USP25: variants seen among roughly 807,000 people sequenced by gnomAD.
The protein encoded by USP25 is ubiquitin carboxyl-terminal hydrolase 25.
A neutral mutation model predicts 158.5 loss-of-function variants in USP25; 85 were observed. The observed-to-expected ratio is 0.54, with a 90% CI of 0.45 to 0.64. USP25 has a LOEUF of 0.64. Among genes scored for constraint, USP25 ranks in the 30% least tolerant of loss-of-function variants. The pLI is 0.00. For missense variants in USP25, 1,242 were observed against 1,327.3 expected, an observed-to-expected ratio of 0.94 and a Z score of 1.00; for synonymous variants, 464 against 460.4, an observed-to-expected ratio of 1.01 and a Z score of -0.10.
At chr21:15,736,041 AT>A (rs200940205) in intron 1 of USP25, among the ~76,000 whole-genome samples, 1 of 146,750 alleles carries the variant, frequency 6.8e-6, no homozygotes, top group Non-Finnish European at 1.5e-5. Flanking sequence ...TAGACATGCC[AT>A]TTTTTTTATC....
At chr21:15,862,607 G>A (rs1400142718) in intron 20 of USP25, among the ~76,000 whole-genome samples, 1 of 143,394 alleles carries the variant, frequency 7.0e-6, no homozygotes, top group Non-Finnish European at 1.5e-5. Flanking sequence ...ATAATAGGAA[G>A]ATTTTTAAAG....
chr21:15,842,256 C>T (rs377742517), intron 17 of USP25, 142 bp from the exon 18 acceptor site: 107 of 793,324 alleles, frequency 1.3e-4, no homozygotes, highest in Non-Finnish European at 1.8e-4. Context: ...AAGTGCTATA[C>T]GTGGAAAGAT....
chr21:15,768,996 A>C (rs2034196304), intron 3 of USP25, among the ~76,000 whole-genome samples: 2 of 152,194 alleles, frequency 1.3e-5, no homozygotes, highest in South Asian at 4.1e-4. Context: ...TATTAGCTGG[A>C]ATATCACTGT....
Position 15,877,580 on chromosome 21 carries a change from C to T in USP25, c.3010-216C>T, listed in dbSNP as rs752219447. On this transcript the variant is annotated intron_variant, in intron 24 of 25. Transcript: ENST00000400183. The stretch of plus-strand genomic sequence containing the variant: ...AAAAACACAATAATGTTTTCTCCAC[C>T]GCTGTTGCTTTTGTTTCTGTTGTTG... The T allele has an allele frequency of 3.3e-5, 13 of 398,728 alleles. 1 individual carries two copies. The highest frequency in any genetic ancestry group is 2.7e-4 in the South Asian group (6 of 22,528). The allele number at this position is 398,728 out of a possible 1,614,324, so 24.7% of individuals were successfully genotyped here. A position where few individuals can be genotyped will look rare whatever the true frequency, so the allele number is the denominator to read the frequency against.
Position 15,826,319 on chromosome 21 carries a change from G to T in USP25, c.1420G>T (p.Ala474Ser), listed in dbSNP as rs1308564799. The change falls in exon 13 of 26, where the codon GCT becomes TCT. Residue 474 changes from alanine (A) to serine (S), a missense_variant. Transcript: ENST00000400183. This position sits in a 1 kb window ranked among gnomAD's most constrained non-coding sequence, Gnocchi z 4.8. The part of the protein sequence containing the change: ...VCTSPVDDID[A>S]SSPPSGSIPS... ...CACTTCTCCTGTTGACGATATTGAC[G>T]CTAGTTCCCCACCTAGTGGTTCCAT... is the stretch of plus-strand genomic sequence containing the variant. 4.3e-6 allele frequency: 7 copies of T among 1,613,884 alleles called. No homozygotes were observed. The highest frequency in any genetic ancestry group is 5.9e-6 in the Non-Finnish European group (7 of 1,179,944).
At chr21:15,786,245 T>TC (rs1351575774) in intron 4 of USP25, among the ~76,000 whole-genome samples, 1 of 152,116 alleles carries the variant, frequency 6.6e-6, no homozygotes, top group Non-Finnish European at 1.5e-5. Flanking sequence ...CTCAAACTAT[T>TC]CCAGAAAATT....
chr21:15,736,653 T>G (rs1375135218), intron 1 of USP25, among the ~76,000 whole-genome samples: 1 of 151,710 alleles, frequency 6.6e-6, no homozygotes, highest in Admixed American at 6.6e-5. Context: ...TATAAAACAT[T>G]AATAGCTTTT....
At chr21:15,812,740 AGGT>A (rs1476616502) in intron 9 of USP25, among the ~76,000 whole-genome samples, 1 of 152,204 alleles carries the variant, frequency 6.6e-6, no homozygotes, top group African/African-American at 2.4e-5. Context: ...TGTTATATAA[AGGT>A]GGCCTTAATA....
At chr21:15,808,629 T>G (rs774319270) in intron 7 of USP25, among the ~76,000 whole-genome samples, 180 bp from the exon 8 acceptor site, 2 of 152,118 alleles carry the variant, frequency 1.3e-5, no homozygotes, top group Admixed American at 6.6e-5. Flanking sequence ...TTTTCAAATA[T>G]CTTATATCCT....
chr21:15,765,680 C>A (rs529710733), intron 2 of USP25, among the ~76,000 whole-genome samples: 2 of 152,054 alleles, frequency 1.3e-5, no homozygotes, highest in African/African-American at 4.8e-5. Context: ...TTCCAGAAGA[C>A]CTTTTTTAGT....
At chr21:15,750,051 C>T (rs922483538) in intron 1 of USP25, among the ~76,000 whole-genome samples, 1 of 151,854 alleles carries the variant, frequency 6.6e-6, no homozygotes, top group African/African-American at 2.4e-5. Context: ...TACTCTTTAC[C>T]ACTGTAGTTA....
At chr21:15,830,480 A>G in intron 14 of USP25, 51 bp from the exon 15 acceptor site, 1 of 1,491,000 alleles carries the variant, frequency 6.7e-7, no homozygotes, top group Non-Finnish European at 9.2e-7. Context: ...CTTATCTTAT[A>G]AGTAGAAACA....
At chr21:15,854,249 A>T (rs1409631919) in intron 20 of USP25, among the ~76,000 whole-genome samples, 1 of 151,988 alleles carries the variant, frequency 6.6e-6, no homozygotes, top group African/African-American at 2.4e-5. Context: ...AGGTTCGAGC[A>T]GTTCTCCTGC....
intron 17 of USP25, among the ~76,000 whole-genome samples, chr21:15,840,228 T>G (rs2038264172): frequency 1.3e-5 from 2 of 152,142 alleles, no homozygotes; most frequent in Admixed American, 6.5e-5. Context: ...TAGAAAGTGT[T>G]TCTTAACAGG....
At chr21:15,878,216 AGAGT>A (rs1270940025) in intron 25 of USP25, 83 bp from the exon 26 acceptor site, 12 of 1,491,502 alleles carry the variant, frequency 8.0e-6, no homozygotes, top group Non-Finnish European at 1.1e-5. Flanking sequence ...CTTACCTATT[AGAGT>A]AAGTTAATAT....
chr21:15,746,135 T>C (rs1302616976), intron 1 of USP25, among the ~76,000 whole-genome samples: 1 of 152,270 alleles, frequency 6.6e-6, no homozygotes, highest in African/African-American at 2.4e-5. Context: ...TCTTCAACTT[T>C]GTTCTTGTTA....
At chr21:15,734,622 A>G (rs2031303135) in intron 1 of USP25, among the ~76,000 whole-genome samples, 1 of 151,998 alleles carries the variant, frequency 6.6e-6, no homozygotes. Context: ...CATATCCTTT[A>G]CAAATACTTA....
rs1020226913 is a variant in USP25, at chr21:15,843,051, T to C, written c.2337+511T>C. 6.6e-6 allele frequency among the ~76,000 whole-genome samples: 1 copy of C among 152,110 alleles called. No individual in the cohort carries two copies. The highest frequency in any genetic ancestry group is 2.4e-5 in the African/African-American group (1 of 41,408). On this transcript the variant is annotated intron_variant, in intron 18 of 25. Transcript: ENST00000400183. This position sits in a 1 kb window ranked among gnomAD's most constrained non-coding sequence, Gnocchi z 4.0. ...GATAAGTAGGATGTTGCAAAACTGT[T>C]TGTGAATATTTTAAGAACGTCCTGT...
chr21:15,743,663 A>G lies in USP25; in HGVS notation c.45+13225A>G, dbSNP rs192597369. On this transcript the variant is annotated intron_variant, in intron 1 of 25. Transcript: ENST00000400183. ...AGTTTTCACTCCAGCTGTGGACTCT[A>G]TCTATATCTAGAACAGGCAGCTTGG... 1.1e-4 allele frequency among the ~76,000 whole-genome samples: 17 copies of G among 152,318 alleles called. No individual in the cohort carries two copies. In the East Asian group the frequency reaches 2.7e-3, roughly 24 times the overall value.
Sources: gnomAD v4.1 joint callset for allele counts (sites outside exome capture counted in the v4.1 genomes callset) on GRCh38, gnomAD v4.1.1 for gene constraint, Gnocchi (gnomAD v3.1) non-coding constraint, MANE v1.5 for transcripts, NCBI Gene and HGNC (gene_info 2026-07-23, HGNC 2026-07-21) for gene names.